BDP1: variants seen among roughly 807,000 people sequenced by gnomAD.
The protein encoded by BDP1 is transcription factor TFIIIB component B'' homolog.
BDP1 carries 169 observed loss-of-function variants against 266.6 expected under a neutral mutation model. That is an observed-to-expected ratio of 0.63 (90% CI 0.56 to 0.72). BDP1 has a LOEUF of 0.72. Among genes scored for constraint, BDP1 ranks in the 30% least tolerant of loss-of-function variants. The pLI is 0.00. For missense variants in BDP1, 3,015 were observed against 3,053.8 expected (o/e 0.99, Z 0.30); for synonymous variants, 1,090 against 1,022.4 (o/e 1.07, Z -1.26).
intron 26 of BDP1, among the ~76,000 whole-genome samples, chr5:71,533,877 C>G (rs1285223443): frequency 2.0e-5 from 3 of 152,024 alleles, no homozygotes; most frequent in Admixed American, 1.3e-4. Flanking sequence ...TCCTATTGGC[C>G]ATTTGTATAT....
In BDP1 at chr5:71,460,071, G is replaced by C. The variant is rs142966388; in HGVS notation, c.489+1216G>C. 5.5e-3 allele frequency among the ~76,000 whole-genome samples: 832 copies of C among 152,300 alleles called. 7 individuals are homozygous for C. The highest frequency in any genetic ancestry group is 0.019 in the African/African-American group (797 of 41,560). ...GTGAAGATTAAATGAGTCAATACAT[G>C]TAAAACACACTTAAACTGGTGTCTT... is the stretch of plus-strand genomic sequence containing the variant. On this transcript the variant is annotated intron_variant, in intron 2 of 38. Transcript: ENST00000358731.
intron 34 of BDP1, among the ~76,000 whole-genome samples, chr5:71,551,963 A>C (rs1250587181): frequency 6.9e-5 from 8 of 116,292 alleles, no homozygotes; most frequent in Admixed American, 1.7e-4. Flanking sequence ...TGACCCCCCC[A>C]CCTCCCTCCC....
intron 34 of BDP1, among the ~76,000 whole-genome samples, chr5:71,552,411 G>C (rs1489788478): frequency 6.6e-6 from 1 of 152,338 alleles, no homozygotes; most frequent in African/African-American, 2.4e-5. Context: ...TCACATCCCA[G>C]ACGATGGGCG....
rs771046845 is a variant in BDP1 at position 71,461,868 on chromosome 5, C to G, written c.541C>G (p.Arg181Gly). The G allele has an allele frequency of 6.2e-6, 10 of 1,607,212 alleles. No homozygotes were observed. Among genetic ancestry groups the G allele is most frequent in the African/African-American group, 1.3e-5 (1 of 74,374 alleles). ...AINESQRPPD[R>G]SKMTMRDFIY... ...AAATGAAAGTCAGAGGCCACCAGAT[C>G]GTTCAAAAATGACTATGAGAGACTT... Residue 181 changes from arginine to glycine, a missense_variant, in exon 3 of 39, where the codon CGT (arginine) becomes GGT (glycine). By Grantham distance (125) the Arg-to-Gly change is moderately radical. This residue lies in a region of BDP1 where 2,383 missense variants were observed against 2,404.9 expected (regional missense o/e 0.99). Transcript: ENST00000358731.
rs10682137 is a variant in BDP1 at position 71,496,438 on chromosome 5, A to ATTT, written c.1800-817_1800-815dup. Among the ~76,000 whole-genome samples, 512 of 138,648 alleles carry ATTT rather than the reference A, an allele frequency of 3.7e-3. 26 individuals are homozygous for ATTT. The East Asian group carries it at 0.051, about 14-fold the overall frequency. 91.0% of individuals were successfully genotyped at this position (138,648 alleles called of 152,430 possible). On this transcript the variant is annotated intron_variant, in intron 12 of 38. Transcript: ENST00000358731. ...CACATACACATTTAAACATTTATGAATTTTTTTTTTTTTTTTTGAGACAGG... is the reference window on the plus strand; with the variant it reads ...CACATACACATTTAAACATTTATGAATTTTTTTTTTTTTTTTTTTTGAGACAGG...
intron 35 of BDP1, among the ~76,000 whole-genome samples, chr5:71,553,741 G>A (rs1743019317): frequency 1.3e-5 from 2 of 152,048 alleles, no homozygotes; most frequent in African/African-American, 2.4e-5. Context: ...ATTGCTTTTA[G>A]GAGTAAAACC....
At chr5:71,568,928 A>C (rs1179439122), downstream of BDP1, among the ~76,000 whole-genome samples, 1 of 152,226 alleles carries the variant, frequency 6.6e-6, no homozygotes, top group East Asian at 1.9e-4. Flanking sequence ...CTGCCACAAT[A>C]ATTCAAGTTC....
At chr5:71,461,570 C>T (rs1311653347) in intron 2 of BDP1, among the ~76,000 whole-genome samples, 2 of 151,958 alleles carry the variant, frequency 1.3e-5, no homozygotes, top group African/African-American at 4.8e-5. Flanking sequence ...GCTATGATTG[C>T]GCCACTGCAC....
intron 20 of BDP1, 129 bp downstream of exon 20, chr5:71,515,251 T>C: frequency 1.4e-6 from 1 of 707,500 alleles, no homozygotes. Context: ...ATTTTATTGA[T>C]ACAGCAGACT....
Position 71,544,410 on chromosome 5 carries a change from C to T in BDP1, c.6466C>T (p.Pro2156Ser). ...ATELENKNLG[P>S]VTTAENKDQS... ...AGAATTGGAAAATAAAAACCTCGGACCAGTTACAACAGCAGAGAATAAGGA... is the reference window on the plus strand; with the variant it reads ...AGAATTGGAAAATAAAAACCTCGGATCAGTTACAACAGCAGAGAATAAGGA... Residue 2156 changes from proline to serine, a missense_variant, in exon 31 of 39, where the codon CCA becomes TCA. Coordinates refer to ENST00000358731, the MANE Select transcript of BDP1 (RefSeq NM_018429.3). 1.9e-6 allele frequency: 3 copies of T among 1,613,444 alleles called. No individual in the cohort carries two copies. Among genetic ancestry groups the T allele is most frequent in the East Asian group, 2.2e-5 (1 of 44,860 alleles).
intron 9 of BDP1, among the ~76,000 whole-genome samples, chr5:71,487,195 A>G (rs996197865): frequency 8.5e-5 from 13 of 152,262 alleles, no homozygotes; most frequent in African/African-American, 2.9e-4. Flanking sequence ...AGGGAACCTT[A>G]TATGTTAGCT....
chr5:71,568,455 C>A (rs1426020955), downstream of BDP1, among the ~76,000 whole-genome samples: 1 of 152,174 alleles, frequency 6.6e-6, no homozygotes, highest in African/African-American at 2.4e-5. Context: ...GGTGCAGAAT[C>A]TTGTCTCCCT....
At chr5:71,524,430 G>A (rs955099680) in intron 25 of BDP1, 107 bp downstream of exon 25, 15 of 1,206,342 alleles carry the variant, frequency 1.2e-5, no homozygotes, top group Non-Finnish European at 1.7e-5. Context: ...AGGATTTGAA[G>A]AGTTCATTCT....
At chr5:71,464,201 T>A in intron 4 of BDP1, 84 bp downstream of exon 4, 1 of 848,972 alleles carries the variant, frequency 1.2e-6, no homozygotes, top group African/African-American at 1.7e-5. Flanking sequence ...ATAGTTGAAT[T>A]ACATTTGATT....
At chr5:71,462,767 A>G (rs980330205) in intron 3 of BDP1, among the ~76,000 whole-genome samples, 1 of 152,160 alleles carries the variant, frequency 6.6e-6, no homozygotes, top group Admixed American at 6.5e-5. Context: ...CTCAAAAAAA[A>G]AAATGTTTTT....
intron 34 of BDP1, among the ~76,000 whole-genome samples, chr5:71,551,261 C>T (rs914189824): frequency 6.6e-6 from 1 of 152,164 alleles, no homozygotes; most frequent in African/African-American, 2.4e-5. Context: ...ACCCTGCGGC[C>T]TTCCGCTGTT....
intron 22 of BDP1, among the ~76,000 whole-genome samples, chr5:71,518,995 T>G (rs1219743625): frequency 6.7e-6 from 1 of 149,498 alleles, no homozygotes; most frequent in East Asian, 2.0e-4. Flanking sequence ...AATTTTTGTA[T>G]TTTTAGTAGA....
intron 5 of BDP1, 95 bp downstream of exon 5, chr5:71,466,316 C>T: frequency 7.5e-7 from 1 of 1,328,838 alleles, no homozygotes; most frequent in Non-Finnish European, 1.0e-6. Context: ...TGGCCTTTGT[C>T]ACTTAGACCT....
chr5:71,505,341 G>A (rs1764521264), intron 16 of BDP1, among the ~76,000 whole-genome samples: 1 of 152,100 alleles, frequency 6.6e-6, no homozygotes, highest in African/African-American at 2.4e-5. Flanking sequence ...TGAAATATAT[G>A]TTTATGTTCA....
Sources: allele counts gnomAD v4.1 joint callset (sites outside exome capture counted in the v4.1 genomes callset), GRCh38; gene constraint gnomAD v4.1.1; regional missense constraint gnomAD v4.1.1; transcripts MANE v1.5; gene names NCBI Gene and HGNC (gene_info 2026-07-23, HGNC 2026-07-21).